The following NUAK2 variants were observed in gnomAD, a reference collection of about 807,000 sequenced individuals.
NUAK2 encodes NUAK family SNF1-like kinase 2.
A neutral mutation model predicts 29.8 loss-of-function variants in NUAK2; 20 were observed. The ratio of observed to expected loss-of-function variants is 0.67; its 90% CI spans 0.47 to 0.98. NUAK2 has a LOEUF of 0.98. Among genes scored for constraint, NUAK2 ranks in the 50% least tolerant of loss-of-function variants. The pLI is 0.00. For synonymous variants in NUAK2, 331 were observed against 342.6 expected (o/e 0.97, Z 0.37); for missense variants, 719 against 834.5 (o/e 0.86, Z 1.71).
In NUAK2 at chr1:205,311,723, T is replaced by A. The variant is rs754408564; in HGVS notation, c.334A>T (p.Ile112Phe). 1 of 1,614,232 alleles carries A rather than the reference T, an allele frequency of 6.2e-7. No homozygotes were observed. Among genetic ancestry groups the A allele is most frequent in the South Asian group, 1.1e-5 (1 of 91,090 alleles). The change falls in exon 2 of 7, where the codon ATC becomes TTC. Residue 112 changes from isoleucine (I) to phenylalanine (F), a missense_variant. Coordinates refer to ENST00000367157, the MANE Select transcript of NUAK2 (RefSeq NM_030952.3). ...EIMSSLNHPH[I>F]IAIHEVFENS... ...ACTGTACCTTCATGGATGGCAATGATGTGAGGGTGGTTGAGTGATGACATG... is the reference window on the plus strand; with the variant it reads ...ACTGTACCTTCATGGATGGCAATGAAGTGAGGGTGGTTGAGTGATGACATG...
At chr1:205,316,400 T>C (rs1662330125) in intron 1 of NUAK2, among the ~76,000 whole-genome samples, 1 of 152,206 alleles carries the variant, frequency 6.6e-6, no homozygotes, top group Non-Finnish European at 1.5e-5. Flanking sequence ...TCTATTGTGA[T>C]AAATGTGGCA....
rs747589974 is a variant in NUAK2, at chr1:205,302,304, A to C, written c.*1146T>G. 122 of 152,668 alleles carry C rather than the reference A, an allele frequency of 8.0e-4. No individual in the cohort carries two copies. Among genetic ancestry groups the C allele is most frequent in the Non-Finnish European group, 1.5e-3 (102 of 68,062 alleles). The allele number at this position is 152,668 out of a possible 1,614,324, so 9.5% of individuals were successfully genotyped here. On this transcript the variant is annotated 3_prime_UTR_variant, in exon 7 of 7. Coordinates refer to ENST00000367157, the MANE Select transcript of NUAK2 (RefSeq NM_030952.3). ...TTCACTTTTCCTAAAACACAAAGCC[A>C]AGAACATAAAAATAAATATGGACAT...
Position 205,304,127 on chromosome 1 carries a change from G to T in NUAK2, c.1210C>A (p.Leu404Ile). ...DTAHRPGKSNLKLPKGILKKK... is the reference protein window; with the variant it reads ...DTAHRPGKSNIKLPKGILKKK... ...TTGAGAATGCCCTTTGGCAGCTTGA[G>T]GTTGCTCTTGCCAGGGCGATGGGCA... The change falls in exon 7 of 7, where the codon CTC becomes ATC. Residue 404 changes from leucine (L) to isoleucine (I), a missense_variant. By Grantham distance (5) the Leu-to-Ile change is conservative. Coordinates refer to ENST00000367157, the MANE Select transcript of NUAK2 (RefSeq NM_030952.3). This position sits in a 1 kb window ranked among gnomAD's most constrained non-coding sequence, Gnocchi z 6.5. The T allele has an allele frequency of 6.2e-7, 1 of 1,614,184 alleles. No homozygotes were observed. Among genetic ancestry groups the T allele is most frequent in the Non-Finnish European group, 8.5e-7 (1 of 1,180,026 alleles).
At chr1:205,319,240 G>A (rs996804708) in intron 1 of NUAK2, among the ~76,000 whole-genome samples, 1 of 152,180 alleles carries the variant, frequency 6.6e-6, no homozygotes. Context: ...GGATCAGGGA[G>A]GTTCACAGCA....
rs1662207796 is a variant in NUAK2, at chr1:205,308,208, A to G, written c.527T>C (p.Leu176Pro). Residue 176 changes from leucine (L) to proline (P), a missense_variant, in exon 4 of 7, where the codon CTC becomes CCC. Around this residue, in one of 3 missense-constraint regions of NUAK2, gnomAD observed 283 missense variants for 345.6 expected, o/e 0.82. Coordinates refer to ENST00000367157, the MANE Select transcript of NUAK2 (RefSeq NM_030952.3). This position sits in a 1 kb window ranked among gnomAD's most constrained non-coding sequence, Gnocchi z 4.1. Reference sequence around the variant, plus strand: ...ATCCAAGAGGATGTTCTCCAGCTTGAGATCTCGGTGGACAACTCTGTTCTG... The same window carrying G: ...ATCCAAGAGGATGTTCTCCAGCTTGGGATCTCGGTGGACAACTCTGTTCTG... ...CHQNRVVHRDLKLENILLDAN... is the reference protein window; with the variant it reads ...CHQNRVVHRDPKLENILLDAN... The G allele has an allele frequency of 1.2e-6, 2 of 1,607,280 alleles. No individual in the cohort carries two copies. Among genetic ancestry groups the G allele is most frequent in the African/African-American group, 1.3e-5 (1 of 74,658 alleles).
intron 1 of NUAK2, among the ~76,000 whole-genome samples, chr1:205,313,844 C>T (rs1366299205): frequency 2.6e-5 from 4 of 152,132 alleles, no homozygotes; most frequent in South Asian, 4.1e-4. Context: ...CAAGTGCTGC[C>T]CAAGGACGCA....
Position 205,303,003 on chromosome 1 carries a change from T to C in NUAK2, c.*447A>G, listed in dbSNP as rs1662105740. On this transcript the variant is annotated 3_prime_UTR_variant, in exon 7 of 7. Coordinates refer to ENST00000367157, the MANE Select transcript of NUAK2 (RefSeq NM_030952.3). ...GGGTGCCACCATCCAGTTCTGGTGGTTGGTAGGAACGGGAATGTGTGTGTA... is the reference window on the plus strand; with the variant it reads ...GGGTGCCACCATCCAGTTCTGGTGGCTGGTAGGAACGGGAATGTGTGTGTA... 1 of 153,210 alleles carries C rather than the reference T, an allele frequency of 6.5e-6. No individual in the cohort carries two copies. The highest frequency in any genetic ancestry group is 2.4e-5 in the African/African-American group (1 of 41,496). 9.5% of individuals were successfully genotyped at this position (153,210 alleles called of 1,614,324 possible). A position where few individuals can be genotyped will look rare whatever the true frequency, so the allele number is the denominator to read the frequency against.
rs561754614 is a variant in NUAK2, at chr1:205,303,146, C to T, written c.*304G>A. The T allele has an allele frequency of 5.6e-4, 123 of 221,524 alleles. 1 individual carries two copies. The highest frequency in any genetic ancestry group is 1.5e-3 in the Middle Eastern group (1 of 678). The allele number at this position is 221,524 out of a possible 1,614,324, so 13.7% of individuals were successfully genotyped here. ...GATGGGCCCTGGGAGAGTTCTCTTT[C>T]CAGGTCTCTGTGGCCCCCCCATGTA... On this transcript the variant is annotated 3_prime_UTR_variant, in exon 7 of 7. Coordinates refer to ENST00000367157, the MANE Select transcript of NUAK2 (RefSeq NM_030952.3).
In NUAK2 at chr1:205,304,465, C is replaced by T. The variant is rs1418214622; in HGVS notation, c.872G>A (p.Arg291Gln). The change falls in exon 7 of 7, where the codon CGG becomes CAG. Residue 291 changes from arginine to glutamine, a missense_variant. Arg to Gln is a conservative substitution (Grantham distance 43). Around this residue, in one of 3 missense-constraint regions of NUAK2, gnomAD observed 430 missense variants for 465.7 expected, o/e 0.92. Transcript: ENST00000367157. This position sits in a 1 kb window ranked among gnomAD's most constrained non-coding sequence, Gnocchi z 6.5. ...ACTGGCCACATCCTCCAGGGTGGCC[C>T]GGCGGGTGGGGTTCACCATCAACAG... ...RWLLMVNPTR[R>Q]ATLEDVASHW... 3.3e-6 allele frequency: 5 copies of T among 1,529,108 alleles called. No homozygotes were observed. The highest frequency in any genetic ancestry group is 2.3e-5 in the East Asian group (1 of 43,916). 94.7% of individuals were successfully genotyped at this position (1,529,108 alleles called of 1,614,324 possible). A position where few individuals can be genotyped will look rare whatever the true frequency, so the allele number is the denominator to read the frequency against.
At chr1:205,321,090 T>A (rs1287979229) in intron 1 of NUAK2, among the ~76,000 whole-genome samples, 1 of 152,212 alleles carries the variant, frequency 6.6e-6, no homozygotes, top group African/African-American at 2.4e-5. Flanking sequence ...GTCCCATCCA[T>A]CTTATCCCAG....
intron 1 of NUAK2, 83 bp downstream of exon 1, chr1:205,321,315 C>T: frequency 1.6e-6 from 2 of 1,250,220 alleles, no homozygotes; most frequent in Non-Finnish European, 2.2e-6. Context: ...GAGCAACGAG[C>T]GAGCCGCCGC....
rs562084950 is a variant in NUAK2, at chr1:205,304,658, A to G, written c.824-145T>C. 12 of 697,104 alleles carry G rather than the reference A, an allele frequency of 1.7e-5. No individual in the cohort carries two copies. Among genetic ancestry groups the G allele is most frequent in the African/African-American group, 1.3e-4 (7 of 55,626 alleles). The allele number at this position is 697,104 out of a possible 1,614,324, so 43.2% of individuals were successfully genotyped here. ...TCCCTTCCAACCTAGGGCTCTATACATGCCTTGGCCCAGGACAGCTCCCCA... is the reference window on the plus strand; with the variant it reads ...TCCCTTCCAACCTAGGGCTCTATACGTGCCTTGGCCCAGGACAGCTCCCCA... On this transcript the variant is annotated intron_variant, in intron 6 of 6. Transcript: ENST00000367157. This position sits in a 1 kb window ranked among gnomAD's most constrained non-coding sequence, Gnocchi z 6.5.
rs984442224 is a variant in NUAK2, at chr1:205,308,177, A to G, written c.558T>C (p.Asn186=). The G allele has an allele frequency of 6.2e-7, 1 of 1,605,488 alleles. No individual in the cohort carries two copies. The highest frequency in any genetic ancestry group is 8.5e-7 in the Non-Finnish European group (1 of 1,175,836). ...LKLENILLDA[N]GNIKIADFGL... is the part of the protein sequence containing the mutation. ...AAGTGGGACTCACCTTGATATTCCC[A>G]TTGGCATCCAAGAGGATGTTCTCCA... is the stretch of plus-strand genomic sequence containing the variant. The change falls in exon 4 of 7, where the codon AAT becomes AAC. Residue 186 remains asparagine, a synonymous_variant. Coordinates refer to ENST00000367157, the MANE Select transcript of NUAK2 (RefSeq NM_030952.3). The surrounding 1 kb of genome is among the most constrained non-coding windows in gnomAD (Gnocchi z 4.1).
chr1:205,319,043 G>T (rs867613304), intron 1 of NUAK2, among the ~76,000 whole-genome samples: 8 of 145,582 alleles, frequency 5.5e-5, no homozygotes, highest in Admixed American at 1.4e-4. Flanking sequence ...CCCCTCTCCC[G>T]CACTGAAGTA....
At chr1:205,318,876 C>T (rs1662365343) in intron 1 of NUAK2, among the ~76,000 whole-genome samples, 1 of 152,218 alleles carries the variant, frequency 6.6e-6, no homozygotes, top group South Asian at 2.1e-4. Context: ...TCCCATCTGG[C>T]CCTGATAATC....
chr1:205,313,509 T>G (rs1662283024), intron 1 of NUAK2, among the ~76,000 whole-genome samples: 1 of 152,046 alleles, frequency 6.6e-6, no homozygotes, highest in African/African-American at 2.4e-5. Flanking sequence ...AGGGTCTCGG[T>G]CCCTCTCTGC....
chr1:205,321,020 C>G (rs1392780380), intron 1 of NUAK2, among the ~76,000 whole-genome samples: 1 of 152,200 alleles, frequency 6.6e-6, no homozygotes, highest in Non-Finnish European at 1.5e-5. Context: ...GGGGTGCCTT[C>G]TACTTCCTCT....
intron 1 of NUAK2, among the ~76,000 whole-genome samples, chr1:205,316,263 A>T (rs1344339504): frequency 6.6e-6 from 1 of 152,214 alleles, no homozygotes; most frequent in Non-Finnish European, 1.5e-5. Flanking sequence ...AAGGATATTT[A>T]TTCTCCAGTC....
intron 1 of NUAK2, among the ~76,000 whole-genome samples, chr1:205,317,019 C>A (rs1662337070): frequency 6.6e-6 from 1 of 152,206 alleles, no homozygotes. Context: ...CCCTGCCTGC[C>A]TCCCATCCCT....
Sources: allele counts gnomAD v4.1 joint callset (sites outside exome capture counted in the v4.1 genomes callset), GRCh38; gene constraint gnomAD v4.1.1; regional missense constraint gnomAD v4.1.1; non-coding constraint Gnocchi (gnomAD v3.1); transcripts MANE v1.5; gene names NCBI Gene and HGNC (gene_info 2026-07-23, HGNC 2026-07-21).